Variants in BNC2 observed in about 807,000 individuals in gnomAD.
BNC2 encodes the protein basonuclin zinc finger protein 2.
Under a neutral mutation model 76.3 loss-of-function variants are expected in BNC2, and 20 were observed. The observed-to-expected ratio is 0.26, with a 90% CI of 0.18 to 0.38. The LOEUF (loss-of-function observed/expected upper bound fraction) is 0.38, where lower values mean the gene tolerates loss of function less well. Among genes scored for constraint, BNC2 ranks in the 10% least tolerant of loss-of-function variants. The pLI, the probability that BNC2 is intolerant of heterozygous loss-of-function variation, is 1.00. For missense variants in BNC2, 1,382 were observed against 1,399.8 expected (o/e 0.99, Z 0.20); for synonymous variants, 582 against 514.8 (o/e 1.13, Z -1.77).
chr9:16,788,006 C>T (rs1826344370), intron 1 of BNC2, among the ~76,000 whole-genome samples: 1 of 152,126 alleles, frequency 6.6e-6, no homozygotes, highest in South Asian at 2.1e-4. Context: ...CTAATTCCAT[C>T]ACATTTGGTT....
At chr9:16,857,401 C>T (rs1036665105) in intron 1 of BNC2, among the ~76,000 whole-genome samples, 76 of 147,342 alleles carry the variant, frequency 5.2e-4, no homozygotes, top group African/African-American at 1.8e-3. Flanking sequence ...CACTTGAAAT[C>T]GGCCGGCGGA....
chr9:16,431,556 C>A, intron 6 of BNC2: 1 of 433,944 alleles, frequency 2.3e-6, no homozygotes, highest in South Asian at 1.7e-5. Context: ...AGAACAGCAC[C>A]TCAGCAGCAG....
At chr9:16,830,858 C>G (rs753236815) in intron 1 of BNC2, among the ~76,000 whole-genome samples, 1 of 152,180 alleles carries the variant, frequency 6.6e-6, no homozygotes, top group African/African-American at 2.4e-5. Context: ...GAGGAATACC[C>G]TAAGGATTCT....
intron 3 of BNC2, among the ~76,000 whole-genome samples, chr9:16,687,883 G>T (rs901629961): frequency 2.0e-5 from 3 of 152,142 alleles, no homozygotes; most frequent in African/African-American, 4.8e-5. Flanking sequence ...GAAATACACT[G>T]TTTCTAAGAG....
intron 5 of BNC2, among the ~76,000 whole-genome samples, chr9:16,547,674 G>C (rs1325196542): frequency 6.6e-6 from 1 of 152,180 alleles, no homozygotes; most frequent in African/African-American, 2.4e-5. Flanking sequence ...GCCTAGAAGA[G>C]AAGAAATTAC....
chr9:16,521,877 G>A (rs1279146446), intron 5 of BNC2, among the ~76,000 whole-genome samples: 1 of 152,130 alleles, frequency 6.6e-6, no homozygotes, highest in Non-Finnish European at 1.5e-5. Flanking sequence ...ATTTTTGTAT[G>A]AGTATTAGGC....
intron 6 of BNC2, among the ~76,000 whole-genome samples, chr9:16,427,640 G>C (rs1425771573): frequency 6.6e-6 from 1 of 152,168 alleles, no homozygotes; most frequent in Admixed American, 6.5e-5. Context: ...AAAGTAGTTA[G>C]GCTTTGCTCC....
At chr9:16,782,830 T>C (rs933025487) in intron 1 of BNC2, among the ~76,000 whole-genome samples, 1 of 152,174 alleles carries the variant, frequency 6.6e-6, no homozygotes, top group African/African-American at 2.4e-5. Flanking sequence ...TCCTAGCACA[T>C]AGTATGAACA....
chr9:16,670,688 A>G (rs1363348928), intron 3 of BNC2, among the ~76,000 whole-genome samples: 1 of 152,224 alleles, frequency 6.6e-6, no homozygotes, highest in African/African-American at 2.4e-5. Context: ...AAATTATTGA[A>G]GGAAATGCAA....
intron 5 of BNC2, among the ~76,000 whole-genome samples, chr9:16,514,877 T>A (rs566834746): frequency 6.6e-6 from 1 of 152,206 alleles, no homozygotes; most frequent in Non-Finnish European, 1.5e-5. Context: ...CTAATGGCAA[T>A]CACTGGATAA....
chr9:16,787,326 G>A (rs1826322972), intron 1 of BNC2, among the ~76,000 whole-genome samples: 1 of 152,088 alleles, frequency 6.6e-6, no homozygotes, highest in Admixed American at 6.6e-5. Context: ...ATGAAGAACG[G>A]GGAAACAAAA....
At chr9:16,475,236 G>A (rs988214953) in intron 5 of BNC2, among the ~76,000 whole-genome samples, 5 of 152,150 alleles carry the variant, frequency 3.3e-5, no homozygotes, top group Non-Finnish European at 7.3e-5. Context: ...TGATCTTACT[G>A]TACATATAAC....
At chr9:16,809,004 G>A (rs1291338334) in intron 1 of BNC2, among the ~76,000 whole-genome samples, 1 of 152,170 alleles carries the variant, frequency 6.6e-6, no homozygotes, top group African/African-American at 2.4e-5. Flanking sequence ...GCTCATCTCT[G>A]CCATCTGACA....
At chr9:16,530,368 A>C (rs1033010792) in intron 5 of BNC2, among the ~76,000 whole-genome samples, 7 of 152,154 alleles carry the variant, frequency 4.6e-5, no homozygotes, top group Admixed American at 1.3e-4. Context: ...CTTCTGGAAC[A>C]AAAGTTCCAG....
At chr9:16,772,530 C>G (rs1825858759) in intron 1 of BNC2, among the ~76,000 whole-genome samples, 1 of 151,878 alleles carries the variant, frequency 6.6e-6, no homozygotes, top group African/African-American at 2.4e-5. Context: ...TTGCATTTTC[C>G]CCCTCTTTGA....
chr9:16,742,192 G>C (rs1824871309), intron 1 of BNC2, among the ~76,000 whole-genome samples: 2 of 152,142 alleles, frequency 1.3e-5, no homozygotes, highest in Admixed American at 6.5e-5. Context: ...TTCTGGCTAG[G>C]AAATTCCCCA....
At chr9:16,846,908 G>A (rs10962639) in intron 1 of BNC2, among the ~76,000 whole-genome samples, 41,425 of 152,080 alleles carry the variant, frequency 0.27, 6,812 homozygotes, top group East Asian at 0.7. Flanking sequence ...AGTCAAAACT[G>A]CAAAGGCAGT....
rs1372926718 is a variant in BNC2 at position 16,418,073 on chromosome 9, A to T, written c.*916T>A. On this transcript the variant is annotated 3_prime_UTR_variant, in exon 7 of 7. Transcript: ENST00000380672. ...GACCAGACCATTTTTATACAAGTGA[A>T]TTTTTTTTAAAAAAGACACTTACTG... The T allele has an allele frequency of 6.6e-6, 1 of 152,524 alleles. No individual in the cohort carries two copies. Among genetic ancestry groups the T allele is most frequent in the Non-Finnish European group, 1.5e-5 (1 of 68,010 alleles). 9.4% of individuals were successfully genotyped at this position (152,524 alleles called of 1,614,324 possible).
chr9:16,451,038 G>A (rs953111621), intron 5 of BNC2, among the ~76,000 whole-genome samples: 2 of 137,896 alleles, frequency 1.5e-5, no homozygotes, highest in African/African-American at 3.0e-5. Flanking sequence ...GTACAGCTGA[G>A]TAAAGTGAAT....
Sources: gnomAD v4.1 joint callset for allele counts (sites outside exome capture counted in the v4.1 genomes callset) on GRCh38, gnomAD v4.1.1 for gene constraint, MANE v1.5 for transcripts, NCBI Gene and HGNC (gene_info 2026-07-23, HGNC 2026-07-21) for gene names.